FBXL4: variants seen among roughly 807,000 people sequenced by gnomAD.
FBXL4 encodes the protein F-box and leucine rich repeat protein 4.
In FBXL4, 40 loss-of-function variants were observed where a neutral mutation model predicts 58.9. The ratio of observed to expected loss-of-function variants is 0.68; its 90% confidence interval spans 0.53 to 0.88. The LOEUF is 0.88. FBXL4 is among the 40% of genes least tolerant of loss of function. The pLI is 0.00. For missense variants in FBXL4, 676 were observed against 734.4 expected (o/e 0.92, Z 0.92); for synonymous variants, 263 against 265.5 (o/e 0.99, Z 0.09).
chr6:98,917,762 G>C (rs1352377468), intron 4 of FBXL4, 43 bp from the exon 5 acceptor site: 1 of 1,435,944 alleles, frequency 7.0e-7, no homozygotes, highest in Admixed American at 2.1e-5. Flanking sequence ...TTTAGAATGA[G>C]ATCTACTGGT....
At chr6:98,934,394 G>A (rs1186331210) in intron 2 of FBXL4, among the ~76,000 whole-genome samples, 40 of 149,758 alleles carry the variant, frequency 2.7e-4, no homozygotes, top group Admixed American at 2.5e-3. Flanking sequence ...GTGAGACTCC[G>A]TCTCAAAAAA....
chr6:98,925,426 A>G (rs1772742808), intron 4 of FBXL4, among the ~76,000 whole-genome samples: 1 of 152,262 alleles, frequency 6.6e-6, no homozygotes, highest in South Asian at 2.1e-4. Context: ...AAAATGTTAA[A>G]CATTACAAAA....
chr6:98,878,498 T>A (rs1309163822), intron 8 of FBXL4, among the ~76,000 whole-genome samples: 3 of 152,022 alleles, frequency 2.0e-5, no homozygotes, highest in Non-Finnish European at 4.4e-5. Context: ...TGAGCAACCA[T>A]ACCTGGCTTC....
chr6:98,947,875 T>G lies in FBXL4; in HGVS notation c.-378A>C, dbSNP rs1239000769. 6.6e-6 allele frequency: 1 copy of G among 151,608 alleles called. No individual in the cohort carries two copies. The highest frequency in any genetic ancestry group is 1.9e-4 in the East Asian group (1 of 5,138). 9.4% of individuals were successfully genotyped at this position (151,608 alleles called of 1,614,324 possible). A position where few individuals can be genotyped will look rare whatever the true frequency, so the allele number is the denominator to read the frequency against. ...ACCAGGCAGCGCGAGAAGGCCTGGG[T>G]GCGGGGGCGGCTCCCCGACTCTCTA... On this transcript the variant is annotated 5_prime_UTR_variant, in exon 1 of 10. Transcript: ENST00000369244.
At chr6:98,902,479 T>C (rs2128391236) in intron 6 of FBXL4, among the ~76,000 whole-genome samples, 1 of 152,210 alleles carries the variant, frequency 6.6e-6, no homozygotes, top group Non-Finnish European at 1.5e-5. Context: ...GGCAACTGAA[T>C]AAATATATTA....
chr6:98,875,298 T>A, intron 9 of FBXL4, 117 bp downstream of exon 9: 2 of 868,830 alleles, frequency 2.3e-6, no homozygotes, highest in Non-Finnish European at 3.7e-6. Flanking sequence ...AGCCATCTTA[T>A]CAGGATAAAA....
chr6:98,903,765 G>A (rs1771700450), intron 6 of FBXL4, among the ~76,000 whole-genome samples: 1 of 152,114 alleles, frequency 6.6e-6, no homozygotes, highest in East Asian at 1.9e-4. Context: ...CACTTTGCCA[G>A]TACAGCTGGA....
At chr6:98,909,684 A>G (rs1771955276) in intron 5 of FBXL4, among the ~76,000 whole-genome samples, 1 of 152,148 alleles carries the variant, frequency 6.6e-6, no homozygotes, top group Non-Finnish European at 1.5e-5. Flanking sequence ...GCAACAACAG[A>G]CCCACCGCAG....
At chr6:98,900,506 T>A (rs1289493199) in intron 6 of FBXL4, among the ~76,000 whole-genome samples, 1 of 152,216 alleles carries the variant, frequency 6.6e-6, no homozygotes, top group Non-Finnish European at 1.5e-5. Context: ...ATTGTTTGAC[T>A]AGTTCCTAGC....
At chr6:98,889,200 C>T (rs901532868) in intron 7 of FBXL4, among the ~76,000 whole-genome samples, 6 of 152,186 alleles carry the variant, frequency 3.9e-5, no homozygotes, top group Admixed American at 1.3e-4. Flanking sequence ...ATGCTTATAG[C>T]ATCAGGGTTC....
intron 7 of FBXL4, 60 bp downstream of exon 7, chr6:98,899,208 A>G (rs1235760548): frequency 6.3e-7 from 1 of 1,589,822 alleles, no homozygotes; most frequent in East Asian, 2.2e-5. Context: ...CAATTACAGA[A>G]AACCAAATCT....
intron 4 of FBXL4, among the ~76,000 whole-genome samples, chr6:98,920,762 G>A (rs1218969164): frequency 6.6e-5 from 10 of 151,530 alleles, no homozygotes; most frequent in African/African-American, 2.4e-4. Context: ...AAACTAGTCA[G>A]TGAAAACAAG....
At chr6:98,940,759 C>A (rs1279915583) in intron 1 of FBXL4, among the ~76,000 whole-genome samples, 6 of 151,860 alleles carry the variant, frequency 4.0e-5, no homozygotes, top group African/African-American at 1.5e-4. Flanking sequence ...TTGAAAATAT[C>A]TTTTTTTCTC....
intron 8 of FBXL4, among the ~76,000 whole-genome samples, chr6:98,878,129 G>A (rs946506754): frequency 2.0e-5 from 3 of 152,278 alleles, no homozygotes; most frequent in East Asian, 3.9e-4. Context: ...AATACTCAGC[G>A]AAGGTATATA....
intron 7 of FBXL4, among the ~76,000 whole-genome samples, chr6:98,887,621 A>T (rs796428660): frequency 1.3e-5 from 2 of 152,320 alleles, no homozygotes; most frequent in African/African-American, 4.8e-5. Flanking sequence ...TATCATTTTT[A>T]AAATCCTCAG....
intron 4 of FBXL4, among the ~76,000 whole-genome samples, chr6:98,918,612 T>A (rs1282630672): frequency 6.6e-6 from 1 of 152,158 alleles, no homozygotes; most frequent in Non-Finnish European, 1.5e-5. Context: ...ATATGTCAGT[T>A]AACTATTTCT....
At chr6:98,903,751 G>A (rs189539791) in intron 6 of FBXL4, among the ~76,000 whole-genome samples, 3 of 152,212 alleles carry the variant, frequency 2.0e-5, no homozygotes, top group African/African-American at 7.2e-5. Flanking sequence ...ACAGTCATAT[G>A]CAGCACTTTG....
chr6:98,935,253 G>A (rs563812227), intron 1 of FBXL4, among the ~76,000 whole-genome samples: 2 of 133,700 alleles, frequency 1.5e-5, no homozygotes, highest in East Asian at 3.9e-4. Flanking sequence ...AGGAACTGAA[G>A]GAATCTTTTT....
rs900774762 is a variant in FBXL4 at position 98,871,990 on chromosome 6, C to G, written c.*2288G>C. The G allele has an allele frequency of 5.9e-5, 9 of 152,164 alleles. No homozygotes were observed. The highest frequency in any genetic ancestry group is 1.3e-4 in the Non-Finnish European group (9 of 68,016). The allele number at this position is 152,164 out of a possible 1,614,324, so 9.4% of individuals were successfully genotyped here. ...TTGAAATGAATTCAAGCCAAAATTA[C>G]AAGGCAAAACGTGTTTACAAGCAAA... is the stretch of plus-strand genomic sequence containing the variant. On this transcript the variant is annotated 3_prime_UTR_variant, in exon 10 of 10. Coordinates refer to ENST00000369244, the MANE Select transcript of FBXL4 (RefSeq NM_001278716.2).
Sources: allele counts gnomAD v4.1 joint callset (sites outside exome capture counted in the v4.1 genomes callset), GRCh38; gene constraint gnomAD v4.1.1; transcripts MANE v1.5; gene names NCBI Gene and HGNC (gene_info 2026-07-23, HGNC 2026-07-21).